The following KCNJ4 variants were observed in gnomAD, a reference collection of about 807,000 sequenced individuals.
The protein encoded by KCNJ4 is potassium inwardly rectifying channel subfamily J member 4, also known as inward rectifier potassium channel 4.
In KCNJ4, 3 loss-of-function variants were observed where a neutral mutation model predicts 25.6. The ratio of observed to expected loss-of-function variants is 0.12; its 90% confidence interval spans 0.05 to 0.30. The LOEUF is 0.30. Among genes scored for constraint, KCNJ4 ranks in the 10% least tolerant of loss-of-function variants. KCNJ4 has a pLI of 1.00. For missense variants in KCNJ4, 286 were observed against 666.8 expected (o/e 0.43, Z 6.29); for synonymous variants, 257 against 283.9 (o/e 0.91, Z 0.95).
Position 38,442,544 on chromosome 22 carries a change from C to CAAAAA in KCNJ4, c.-40+12431_-40+12435dup, listed in dbSNP as rs10631730. On this transcript the variant is annotated intron_variant, in intron 1 of 1. Transcript: ENST00000303592. ...CCTGGGTGACAGAGCAAGACTCCATCAAAAAAAAAAAAAAAAAAGGACTGT... is the reference window on the plus strand; with the variant it reads ...CCTGGGTGACAGAGCAAGACTCCATCAAAAAAAAAAAAAAAAAAAAAAAGGACTGT... Among the ~76,000 whole-genome samples the CAAAAA allele has an allele frequency of 3.1e-3, 291 of 93,878 alleles. 10 individuals are homozygous for CAAAAA. The East Asian group carries it at 0.032, about 10-fold the overall frequency. The allele number at this position is 93,878 out of a possible 152,430, so 61.6% of individuals were successfully genotyped here. A position where few individuals can be genotyped will look rare whatever the true frequency, so the allele number is the denominator to read the frequency against.
Position 38,427,175 on chromosome 22 carries a change from G to C in KCNJ4, c.958C>G (p.Pro320Ala), listed in dbSNP as rs1225087762. The C allele has an allele frequency of 6.2e-7, 1 of 1,613,332 alleles. No individual in the cohort carries two copies. The highest frequency in any genetic ancestry group is 1.7e-5 in the Admixed American group (1 of 60,012). Residue 320 changes from proline (P) to alanine (A), a missense_variant, in exon 2 of 2, where the codon CCT becomes GCT. By Grantham distance (27) the Pro-to-Ala change is conservative. This residue lies in a region of KCNJ4 where 36 missense variants were observed against 100.1 expected (regional missense o/e 0.36). Transcript: ENST00000303592. ...SEILWGHRFE[P>A]VVFEEKSHYK... ...TGGCTCTTCTCCTCGAAGACCACAG[G>C]CTCAAAGCGGTGGCCCCACAGGATC...
At chr22:38,434,165 G>A (rs374071604) in intron 1 of KCNJ4, among the ~76,000 whole-genome samples, 1 of 152,200 alleles carries the variant, frequency 6.6e-6, no homozygotes, top group Non-Finnish European at 1.5e-5. Context: ...CGCCTAGAGA[G>A]CAGTGGCCAG....
chr22:38,447,736 C>T (rs527806440), intron 1 of KCNJ4, among the ~76,000 whole-genome samples: 1 of 152,254 alleles, frequency 6.6e-6, no homozygotes, highest in African/African-American at 2.4e-5. Flanking sequence ...GGGTCAGCTC[C>T]CCACAGCACA....
chr22:38,437,191 G>A (rs868354686), intron 1 of KCNJ4, among the ~76,000 whole-genome samples: 11 of 152,332 alleles, frequency 7.2e-5, no homozygotes, highest in Admixed American at 2.6e-4. Flanking sequence ...AATGTGGGGC[G>A]GGGGAGCAGG....
intron 1 of KCNJ4, among the ~76,000 whole-genome samples, chr22:38,452,207 GATCTTA>G (rs1308310918): frequency 6.6e-6 from 1 of 152,188 alleles, no homozygotes; most frequent in Non-Finnish European, 1.5e-5. Context: ...GAATCGCCAA[GATCTTA>G]AGTGGCCAGC....
intron 1 of KCNJ4, among the ~76,000 whole-genome samples, chr22:38,433,730 G>A (rs1218864770): frequency 2.6e-5 from 4 of 152,142 alleles, no homozygotes; most frequent in Admixed American, 2.6e-4. Context: ...CCGTGTCCGA[G>A]GTGGCACAGT....
chr22:38,444,047 CT>C (rs1762599641), intron 1 of KCNJ4, among the ~76,000 whole-genome samples: 1 of 152,174 alleles, frequency 6.6e-6, no homozygotes, highest in African/African-American at 2.4e-5. Context: ...GACTCCACCG[CT>C]TGTGCCTTCC....
In KCNJ4 at chr22:38,429,390, T is replaced by C. The variant is rs568422705; in HGVS notation, c.-39-1219A>G. On this transcript the variant is annotated intron_variant, in intron 1 of 1. Transcript: ENST00000303592. ...CACAAAGCTGGCAGTGGATACAAAC[T>C]TGCGTGGCACCAACATGAATGAGTT... Among the ~76,000 whole-genome samples the C allele has an allele frequency of 3.3e-3, 500 of 152,180 alleles. 1 individual carries two copies. Among genetic ancestry groups the C allele is most frequent in the Non-Finnish European group, 4.8e-3 (329 of 67,984 alleles).
At chr22:38,431,237 C>T (rs994183461) in intron 1 of KCNJ4, among the ~76,000 whole-genome samples, 4 of 152,184 alleles carry the variant, frequency 2.6e-5, no homozygotes, top group South Asian at 2.1e-4. Flanking sequence ...GTGCTGCAGA[C>T]GAGATCTCTT....
At chr22:38,446,429 C>G (rs978119460) in intron 1 of KCNJ4, among the ~76,000 whole-genome samples, 4 of 142,732 alleles carry the variant, frequency 2.8e-5, no homozygotes, top group African/African-American at 8.7e-5. Flanking sequence ...GGGGCTGGCA[C>G]TCAGCCAGCC....
rs169033 is a variant in KCNJ4 at position 38,455,072 on chromosome 22, A to G, written c.-132T>C. On this transcript the variant is annotated 5_prime_UTR_variant, in exon 1 of 2. Coordinates refer to ENST00000303592, the MANE Select transcript of KCNJ4 (RefSeq NM_152868.3). ...CGGCGGGCGGCGTCCCGGGCGCGGA[A>G]AGGGGAGTCCCGGCGCCCCCTGCCC... 150,626 of 150,626 alleles carry G rather than the reference A, an allele frequency of 1. 75,313 individuals carry two copies. Among genetic ancestry groups the G allele is most frequent in the Non-Finnish European group, 1 (67,458 of 67,458 alleles). The allele number at this position is 150,626 out of a possible 1,614,324, so 9.3% of individuals were successfully genotyped here. A position where few individuals can be genotyped will look rare whatever the true frequency, so the allele number is the denominator to read the frequency against.
intron 1 of KCNJ4, among the ~76,000 whole-genome samples, chr22:38,436,271 G>C (rs1315049974): frequency 6.6e-6 from 1 of 152,188 alleles, no homozygotes; most frequent in East Asian, 1.9e-4. Context: ...GCTGAACATT[G>C]CTCCCTCTTG....
intron 1 of KCNJ4, among the ~76,000 whole-genome samples, chr22:38,437,503 C>T (rs2093068663): frequency 6.6e-6 from 1 of 152,222 alleles, no homozygotes; most frequent in South Asian, 2.1e-4. Context: ...CTGGCTGGGG[C>T]TTCCACTCAG....
In KCNJ4 at chr22:38,427,406, T is replaced by C; in HGVS notation, c.727A>G (p.Asn243Asp). Residue 243 changes from asparagine to aspartate, a missense_variant, in exon 2 of 2, where the codon AAC becomes GAC. This residue lies in a region of KCNJ4 where 39 missense variants were observed against 100.9 expected (regional missense o/e 0.39). Coordinates refer to ENST00000303592, the MANE Select transcript of KCNJ4 (RefSeq NM_152868.3). ...TCCAGGCCGATGTCATAGCCCACGT[T>C]GAGGTCCCGCTGGTCCAGGGGCAGG... Reference protein sequence around the residue: ...EYLPLDQRDLNVGYDIGLDRI... With the variant: ...EYLPLDQRDLDVGYDIGLDRI... 4 of 1,613,998 alleles carry C rather than the reference T, an allele frequency of 2.5e-6. No homozygotes were observed. Among genetic ancestry groups the C allele is most frequent in the Non-Finnish European group, 3.4e-6 (4 of 1,180,004 alleles).
intron 1 of KCNJ4, among the ~76,000 whole-genome samples, chr22:38,451,645 T>C (rs1161961857): frequency 6.6e-6 from 1 of 152,146 alleles, no homozygotes; most frequent in Non-Finnish European, 1.5e-5. Flanking sequence ...TGCTTCCAGA[T>C]AGAGCTGGGA....
In KCNJ4 at chr22:38,455,160, T is replaced by C. The variant is rs2089433098; in HGVS notation, c.-220A>G. ...CTGCCGCTCGGTCTGCGCGTGGGTCTTGGGGTCTCCGCGCGTCCCGGCCGT... is the reference window on the plus strand; with the variant it reads ...CTGCCGCTCGGTCTGCGCGTGGGTCCTGGGGTCTCCGCGCGTCCCGGCCGT... On this transcript the variant is annotated 5_prime_UTR_variant, in exon 1 of 2. Coordinates refer to ENST00000303592, the MANE Select transcript of KCNJ4 (RefSeq NM_152868.3). 1 of 147,668 alleles carries C rather than the reference T, an allele frequency of 6.8e-6. No homozygotes were observed. Among genetic ancestry groups the C allele is most frequent in the Non-Finnish European group, 1.5e-5 (1 of 66,524 alleles). 9.1% of individuals were successfully genotyped at this position (147,668 alleles called of 1,614,324 possible). A position where few individuals can be genotyped will look rare whatever the true frequency, so the allele number is the denominator to read the frequency against.
At position 38,449,521 on chromosome 22, in the gene KCNJ4, C is replaced by T. The variant is rs1053324901; in HGVS notation, c.-40+5459G>A. On this transcript the variant is annotated intron_variant, in intron 1 of 1. Coordinates refer to ENST00000303592, the MANE Select transcript of KCNJ4 (RefSeq NM_152868.3). This position sits in a 1 kb window ranked among gnomAD's most constrained non-coding sequence, Gnocchi z 5.2. ...GCACCAGCCATCTGAGCAGCCCTCA[C>T]GCATGCGCATGCGTGTGTGCCTGTG... 2.6e-5 allele frequency among the ~76,000 whole-genome samples: 4 copies of T among 152,338 alleles called. No homozygotes were observed. The highest frequency in any genetic ancestry group is 4.4e-5 in the Non-Finnish European group (3 of 68,034).
At chr22:38,439,504 T>C (rs2089316632) in intron 1 of KCNJ4, among the ~76,000 whole-genome samples, 1 of 151,988 alleles carries the variant, frequency 6.6e-6, no homozygotes, top group South Asian at 2.1e-4. Context: ...CGGCCGGGCA[T>C]GGTGGTTCAC....
chr22:38,450,401 G>T (rs1457125407), intron 1 of KCNJ4, among the ~76,000 whole-genome samples: 4 of 152,064 alleles, frequency 2.6e-5, no homozygotes, highest in African/African-American at 9.7e-5. Flanking sequence ...CTGACCTAAG[G>T]TCACACAGAG....
Sources: allele counts gnomAD v4.1 joint callset (sites outside exome capture counted in the v4.1 genomes callset), GRCh38; gene constraint gnomAD v4.1.1; regional missense constraint gnomAD v4.1.1; non-coding constraint Gnocchi (gnomAD v3.1); transcripts MANE v1.5; gene names NCBI Gene and HGNC (gene_info 2026-07-23, HGNC 2026-07-21).